Variants in CDC42BPA observed in about 807,000 individuals in gnomAD.
CDC42BPA encodes the protein serine/threonine-protein kinase MRCK alpha.
Under a neutral mutation model 223.5 loss-of-function variants are expected in CDC42BPA, and 80 were observed. The observed-to-expected ratio is 0.36, with a 90% CI of 0.30 to 0.43. The LOEUF (loss-of-function observed/expected upper bound fraction) is 0.43. Among genes scored for constraint, CDC42BPA ranks in the 20% least tolerant of loss-of-function variants. The pLI, the probability that CDC42BPA is intolerant of heterozygous loss-of-function variation, is 1.00. For missense variants in CDC42BPA, 1,743 were observed against 2,099.9 expected, an observed-to-expected ratio of 0.83 and a Z score of 3.32; for synonymous variants, 694 against 718.6, an observed-to-expected ratio of 0.97 and a Z score of 0.55.
At chr1:227,063,438 G>T (rs1305155770) in intron 21 of CDC42BPA, among the ~76,000 whole-genome samples, 1 of 151,884 alleles carries the variant, frequency 6.6e-6, no homozygotes, top group East Asian at 1.9e-4. Context: ...AATCCTAGAG[G>T]TCTTATTTAA....
Position 227,073,901 on chromosome 1 carries a change from A to C in CDC42BPA, c.2698T>G (p.Leu900Val). The C allele has an allele frequency of 6.2e-7, 1 of 1,607,298 alleles. No individual in the cohort carries two copies. Among genetic ancestry groups the C allele is most frequent in the Non-Finnish European group, 8.5e-7 (1 of 1,178,062 alleles). The change falls in exon 19 of 37, where the codon TTG becomes GTG. Residue 900 changes from leucine (L) to valine (V), a missense_variant. By Grantham distance (32) the Leu-to-Val change is conservative. This residue lies in a region of CDC42BPA where 678 missense variants were observed against 777.5 expected (regional missense o/e 0.87). Transcript: ENST00000366766. ...IRAKQAIQEE[L>V]NKVKASNIIT... ...ATATTAGATGCTTTAACTTTATTCA[A>C]CTCTTCTTGGATGGCCTGTTTGGCT...
intron 34 of CDC42BPA, among the ~76,000 whole-genome samples, chr1:227,011,666 G>T (rs995861677): frequency 6.6e-6 from 1 of 152,224 alleles, no homozygotes; most frequent in East Asian, 1.9e-4. Flanking sequence ...TCTTAACAAG[G>T]TAAAAATCTT....
rs1324292691 is a variant in CDC42BPA at position 227,193,914 on chromosome 1, A to G, written c.471T>C (p.Tyr157=). ...DNNLYLVMDY[Y]VGGDLLTLLS... The stretch of plus-strand genomic sequence containing the variant: ...GTAGAGTAAGCAAATCCCCACCAAC[A>G]TAATAATCCATAACCAGGTACTGTG... The change falls in exon 5 of 37, where the codon TAT becomes TAC. Residue 157 remains tyrosine, a synonymous_variant. Coordinates refer to ENST00000366766, the MANE Select transcript of CDC42BPA (RefSeq NM_001394014.1). 3.7e-6 allele frequency: 6 copies of G among 1,611,112 alleles called. No homozygotes were observed. In the South Asian group the frequency reaches 4.4e-5, roughly 12 times the overall value.
At chr1:227,245,346 G>C (rs1313855274) in intron 2 of CDC42BPA, among the ~76,000 whole-genome samples, 1 of 142,258 alleles carries the variant, frequency 7.0e-6, no homozygotes, top group Non-Finnish European at 1.5e-5. Flanking sequence ...CTGGAGTACA[G>C]TGGTGCCATC....
intron 11 of CDC42BPA, among the ~76,000 whole-genome samples, chr1:227,123,854 AGAGT>A (rs1365823881): frequency 3.3e-5 from 5 of 152,066 alleles, no homozygotes; most frequent in Non-Finnish European, 7.4e-5. Context: ...AGAGAGAGAG[AGAGT>A]GTGTGTGTGT....
At chr1:227,057,141 C>T (rs1674747478) in intron 21 of CDC42BPA, among the ~76,000 whole-genome samples, 1 of 152,130 alleles carries the variant, frequency 6.6e-6, no homozygotes, top group African/African-American at 2.4e-5. Context: ...TGAAATAATA[C>T]ATTCAGTGTT....
intron 2 of CDC42BPA, chr1:227,219,404 G>GT (rs1306223318): frequency 6.6e-6 from 1 of 152,184 alleles, no homozygotes; most frequent in African/African-American, 2.4e-5. Flanking sequence ...CACCCAGGGC[G>GT]TAAGTTAAAG....
chr1:227,163,731 T>TA (rs11314121), intron 5 of CDC42BPA, among the ~76,000 whole-genome samples: 264 of 140,454 alleles, frequency 1.9e-3, no homozygotes, highest in African/African-American at 6.3e-3. Context: ...TTCTTATTTG[T>TA]AAAAAAAAAA....
At chr1:227,160,522 T>A (rs187490813) in intron 6 of CDC42BPA, 21 bp downstream of exon 6, 1 of 1,425,272 alleles carries the variant, frequency 7.0e-7, no homozygotes, top group African/African-American at 1.4e-5. Flanking sequence ...ACAAAATAAT[T>A]TAGGATTTAT....
chr1:227,276,106 T>A (rs1220270351), intron 1 of CDC42BPA, among the ~76,000 whole-genome samples: 1 of 150,458 alleles, frequency 6.6e-6, no homozygotes, highest in Non-Finnish European at 1.5e-5. Flanking sequence ...CCGCCCAGTC[T>A]GGGAAGTGAG....
At position 227,168,497 on chromosome 1, in the gene CDC42BPA, G is replaced by GTGTTTTGTTTTTTTTTT. The variant is rs1302291274; in HGVS notation, c.600-7862_600-7861insAAAAAAAAAACAAAACA. Among the ~76,000 whole-genome samples, 206 of 80,172 alleles carry GTGTTTTGTTTTTTTTTT rather than the reference G, an allele frequency of 2.6e-3. 4 individuals are homozygous for GTGTTTTGTTTTTTTTTT. The highest frequency in any genetic ancestry group is 3.1e-3 in the Non-Finnish European group (131 of 42,180). The allele number at this position is 80,172 out of a possible 152,430, so 52.6% of individuals were successfully genotyped here. On this transcript the variant is annotated intron_variant, in intron 5 of 36. Coordinates refer to ENST00000366766, the MANE Select transcript of CDC42BPA (RefSeq NM_001394014.1). Reference sequence around the variant, plus strand: ...CTTTTTCATATTTATCTTCCCTGGTGTTTTTTTTTTTTTTTTGAGGCAGAG... The same window carrying GTGTTTTGTTTTTTTTTT: ...CTTTTTCATATTTATCTTCCCTGGTGTGTTTTGTTTTTTTTTTTTTTTTTTTTTTTTTTGAGGCAGAG...
At chr1:227,308,793 T>C (rs1693014470) in intron 1 of CDC42BPA, among the ~76,000 whole-genome samples, 1 of 152,174 alleles carries the variant, frequency 6.6e-6, no homozygotes, top group South Asian at 2.1e-4. Flanking sequence ...ATATTCACCA[T>C]GGAAACTCTA....
chr1:227,309,676 A>G (rs2148810286), intron 1 of CDC42BPA, among the ~76,000 whole-genome samples: 1 of 152,354 alleles, frequency 6.6e-6, no homozygotes, highest in Non-Finnish European at 1.5e-5. Context: ...TGCAACATCT[A>G]CAGTAATGAA....
At chr1:227,156,720 T>A (rs77928082) in intron 6 of CDC42BPA, among the ~76,000 whole-genome samples, 13,877 of 152,200 alleles carry the variant, frequency 0.091, 853 homozygotes, top group Middle Eastern at 0.17. Context: ...TTCGAATGCA[T>A]TCAAAAGCAA....
At chr1:227,163,794 T>G (rs569372617) in intron 5 of CDC42BPA, among the ~76,000 whole-genome samples, 1 of 151,582 alleles carries the variant, frequency 6.6e-6, no homozygotes, top group South Asian at 2.1e-4. Context: ...TACTATGATT[T>G]CTGTCTTCCC....
intron 23 of CDC42BPA, among the ~76,000 whole-genome samples, chr1:227,041,732 C>T (rs1671415085): frequency 6.6e-6 from 1 of 152,136 alleles, no homozygotes; most frequent in Non-Finnish European, 1.5e-5. Flanking sequence ...AACCTCAAAG[C>T]ATTGTGTTCT....
At chr1:227,271,956 A>T (rs1034343013) in intron 1 of CDC42BPA, among the ~76,000 whole-genome samples, 7 of 152,230 alleles carry the variant, frequency 4.6e-5, no homozygotes, top group Non-Finnish European at 8.8e-5. Context: ...AAAGAAAGAA[A>T]AAATAAATAT....
At chr1:227,127,959 C>T (rs79359782) in intron 11 of CDC42BPA, among the ~76,000 whole-genome samples, 441 of 152,270 alleles carry the variant, frequency 2.9e-3, no homozygotes, top group Non-Finnish European at 4.8e-3. Context: ...TGCTCTCTCT[C>T]CCTATCCCTC....
chr1:227,310,296 G>A (rs1693279354), intron 1 of CDC42BPA, among the ~76,000 whole-genome samples: 1 of 152,074 alleles, frequency 6.6e-6, no homozygotes, highest in African/African-American at 2.4e-5. Context: ...CTTTCCCCTT[G>A]CTCAAGCATC....
Sources: allele counts gnomAD v4.1 joint callset (sites outside exome capture counted in the v4.1 genomes callset), GRCh38; gene constraint gnomAD v4.1.1; regional missense constraint gnomAD v4.1.1; transcripts MANE v1.5; gene names NCBI Gene and HGNC (gene_info 2026-07-23, HGNC 2026-07-21).